The following KCTD8 variants were observed in gnomAD, a reference collection of about 807,000 sequenced individuals.
The protein encoded by KCTD8 is potassium channel tetramerization domain containing 8.
KCTD8 carries 27 observed loss-of-function variants against 31.5 expected under a neutral mutation model. The ratio of observed to expected loss-of-function variants is 0.86; its 90% CI spans 0.63 to 1.18. The LOEUF (loss-of-function observed/expected upper bound fraction) is 1.18. Among genes scored for constraint, KCTD8 ranks in the 50% most tolerant of loss-of-function variants. KCTD8 has a pLI of 0.00. For missense variants in KCTD8, 658 were observed against 647.7 expected, an observed-to-expected ratio of 1.02 and a Z score of -0.17; for synonymous variants, 290 against 280.0, an observed-to-expected ratio of 1.04 and a Z score of -0.36.
At chr4:44,379,325 A>G (rs2109441669) in intron 1 of KCTD8, among the ~76,000 whole-genome samples, 1 of 152,288 alleles carries the variant, frequency 6.6e-6, no homozygotes, top group East Asian at 1.9e-4. Context: ...ATGAAAAATG[A>G]CTAAATAAAA....
rs146085488 is a variant in KCTD8 at position 44,206,522 on chromosome 4, G to A, written c.962-31272C>T. ...TTTATGGCCTTCCATTGATTGATGA[G>A]TGAGAAGGAGAGTTGTCTATCCAGT... On this transcript the variant is annotated intron_variant, in intron 1 of 1. Coordinates refer to ENST00000360029, the MANE Select transcript of KCTD8 (RefSeq NM_198353.3). Among the ~76,000 whole-genome samples the A allele has an allele frequency of 3.9e-5, 6 of 152,266 alleles. No homozygotes were observed. The East Asian group carries it at 1.2e-3, about 29-fold the overall frequency.
At chr4:44,391,522 C>A (rs1037318421) in intron 1 of KCTD8, among the ~76,000 whole-genome samples, 4 of 151,756 alleles carry the variant, frequency 2.6e-5, no homozygotes, top group Non-Finnish European at 5.9e-5. Context: ...TCAATATTTT[C>A]TCTTTCTTAT....
intron 1 of KCTD8, among the ~76,000 whole-genome samples, chr4:44,420,838 T>C (rs1721191673): frequency 1.3e-5 from 2 of 151,922 alleles, no homozygotes; most frequent in Admixed American, 6.6e-5. Flanking sequence ...TATAAGAGTA[T>C]CAGAAGAGCT....
chr4:44,447,922 GCGC>G lies in KCTD8; in HGVS notation c.599_601del (p.Gly200del), dbSNP rs750799162. 5.0e-5 allele frequency: 72 copies of G among 1,434,214 alleles called. No homozygotes were observed. The highest frequency in any genetic ancestry group is 3.4e-4 in the South Asian group (22 of 64,946). The allele number at this position is 1,434,214 out of a possible 1,614,324, so 88.8% of individuals were successfully genotyped here. On this transcript the variant is annotated inframe_deletion, in exon 1 of 2. Transcript: ENST00000360029. ...GAGGAAGCCCGAGCGCTTGTCCTGC[GCGC>G]CGCCGCCGCCGCCACCACCGTGCGC...
intron 1 of KCTD8, among the ~76,000 whole-genome samples, chr4:44,251,719 T>C (rs1389654352): frequency 1.3e-5 from 2 of 151,534 alleles, no homozygotes; most frequent in African/African-American, 4.8e-5. Context: ...TTAAGAATTA[T>C]GCATCTTATA....
chr4:44,424,830 C>T (rs922343180), intron 1 of KCTD8, among the ~76,000 whole-genome samples: 7 of 152,058 alleles, frequency 4.6e-5, no homozygotes, highest in Non-Finnish European at 7.4e-5. Context: ...TTTGCTGTTA[C>T]CCAGTTCTCA....
At chr4:44,350,877 A>G (rs1022055961) in intron 1 of KCTD8, among the ~76,000 whole-genome samples, 1 of 152,024 alleles carries the variant, frequency 6.6e-6, no homozygotes, top group Non-Finnish European at 1.5e-5. Context: ...TTCTCCTCCT[A>G]TGTTCCTGTG....
At chr4:44,214,190 C>T (rs1427832845) in intron 1 of KCTD8, among the ~76,000 whole-genome samples, 1 of 152,144 alleles carries the variant, frequency 6.6e-6, no homozygotes, top group African/African-American at 2.4e-5. Flanking sequence ...TTTTGTAGGA[C>T]TCCTGTGTGT....
intron 1 of KCTD8, among the ~76,000 whole-genome samples, chr4:44,310,948 G>A (rs1360408061): frequency 6.6e-6 from 1 of 151,874 alleles, no homozygotes; most frequent in African/African-American, 2.4e-5. Context: ...TAGATCACAA[G>A]ACCAGAACAA....
chr4:44,305,964 T>A (rs1271034107), intron 1 of KCTD8, among the ~76,000 whole-genome samples: 47 of 151,750 alleles, frequency 3.1e-4, no homozygotes, highest in Admixed American at 3.1e-3. Flanking sequence ...TCCAAATAAG[T>A]CATTTACTAG....
chr4:44,334,614 G>C (rs1045902836), intron 1 of KCTD8, among the ~76,000 whole-genome samples: 11 of 151,970 alleles, frequency 7.2e-5, no homozygotes, highest in Admixed American at 2.0e-4. Flanking sequence ...ATAATGTGCA[G>C]CCATTTAAAA....
At chr4:44,442,446 G>T (rs1368703655) in intron 1 of KCTD8, among the ~76,000 whole-genome samples, 4 of 152,036 alleles carry the variant, frequency 2.6e-5, no homozygotes, top group Non-Finnish European at 5.9e-5. Context: ...AATTAGCTGG[G>T]CGTGGTGGCA....
chr4:44,234,646 G>A (rs891322182), intron 1 of KCTD8, among the ~76,000 whole-genome samples: 1 of 152,126 alleles, frequency 6.6e-6, no homozygotes, highest in African/African-American at 2.4e-5. Flanking sequence ...CAGCTAGAGA[G>A]CAGAACAGAA....
At chr4:44,255,931 G>A (rs1715978941) in intron 1 of KCTD8, among the ~76,000 whole-genome samples, 2 of 152,012 alleles carry the variant, frequency 1.3e-5, no homozygotes, top group East Asian at 1.9e-4. Flanking sequence ...TTCTCACGCT[G>A]CTAATAAAGA....
chr4:44,177,521 G>T (rs1253100204), intron 1 of KCTD8, among the ~76,000 whole-genome samples: 1 of 152,178 alleles, frequency 6.6e-6, no homozygotes. Flanking sequence ...GACCCAGTGG[G>T]AGGTAATTGA....
chr4:44,415,115 C>G (rs922192073), intron 1 of KCTD8, among the ~76,000 whole-genome samples: 4 of 152,072 alleles, frequency 2.6e-5, no homozygotes, highest in African/African-American at 7.2e-5. Flanking sequence ...TATGCCCTAG[C>G]AAAAAACCTG....
chr4:44,431,567 AT>A (rs1198635119), intron 1 of KCTD8, among the ~76,000 whole-genome samples: 1 of 151,568 alleles, frequency 6.6e-6, no homozygotes. Flanking sequence ...TCATAAAAAA[AT>A]TTAATTTTAA....
chr4:44,351,812 G>A (rs1370676394), intron 1 of KCTD8, among the ~76,000 whole-genome samples: 1 of 151,690 alleles, frequency 6.6e-6, no homozygotes, highest in Non-Finnish European at 1.5e-5. Context: ...ATAGTTATTG[G>A]GTAGTTATAG....
chr4:44,392,529 CTT>C (rs541802558), intron 1 of KCTD8, among the ~76,000 whole-genome samples: 224 of 152,040 alleles, frequency 1.5e-3, no homozygotes, highest in African/African-American at 5.1e-3. Flanking sequence ...TGCTTGAAGA[CTT>C]TGAATTTATC....
Sources: gnomAD v4.1 joint callset for allele counts (sites outside exome capture counted in the v4.1 genomes callset) on GRCh38, gnomAD v4.1.1 for gene constraint, MANE v1.5 for transcripts, NCBI Gene and HGNC (gene_info 2026-07-23, HGNC 2026-07-21) for gene names.